The following MYO3B variants were observed in gnomAD, a reference collection of about 807,000 sequenced individuals.
MYO3B encodes the protein myosin IIIB, also known as myosin-IIIb.
A neutral mutation model predicts 174.6 loss-of-function variants in MYO3B; 156 were observed. The observed-to-expected ratio is 0.89, with a 90% CI of 0.78 to 1.02. The LOEUF is 1.02. Ranked by LOEUF, MYO3B falls within the 50% of genes least tolerant of loss-of-function variation. The pLI is 0.00. For synonymous variants in MYO3B, 563 were observed against 569.1 expected, an observed-to-expected ratio of 0.99 and a Z score of 0.15; for missense variants, 1,632 against 1,639.4, an observed-to-expected ratio of 1.00 and a Z score of 0.08.
intron 7 of MYO3B, among the ~76,000 whole-genome samples, chr2:170,241,555 G>A (rs1274896187): frequency 6.6e-6 from 1 of 152,180 alleles, no homozygotes; most frequent in Non-Finnish European, 1.5e-5. Context: ...CTGTCAAGGA[G>A]CACATCAGTT....
At chr2:170,403,761 T>A (rs1274115531) in intron 19 of MYO3B, among the ~76,000 whole-genome samples, 3 of 152,230 alleles carry the variant, frequency 2.0e-5, no homozygotes, top group Non-Finnish European at 4.4e-5. Context: ...CTTTTATCTC[T>A]GGAGCTGGAT....
chr2:170,616,897 C>T (rs1695503253), intron 32 of MYO3B, among the ~76,000 whole-genome samples: 1 of 152,136 alleles, frequency 6.6e-6, no homozygotes, highest in African/African-American at 2.4e-5. Flanking sequence ...TTTACTGATT[C>T]CCAATTGTGA....
intron 6 of MYO3B, among the ~76,000 whole-genome samples, chr2:170,235,647 T>C (rs561192775): frequency 6.6e-6 from 1 of 152,328 alleles, no homozygotes; most frequent in Non-Finnish European, 1.5e-5. Flanking sequence ...CAGTAGCTGG[T>C]AATGAGGTGA....
chr2:170,189,119 T>C (rs188514056), intron 1 of MYO3B, among the ~76,000 whole-genome samples: 1 of 152,320 alleles, frequency 6.6e-6, no homozygotes, highest in African/African-American at 2.4e-5. Flanking sequence ...TGGATGGATA[T>C]ACTACTCTAG....
intron 1 of MYO3B, among the ~76,000 whole-genome samples, chr2:170,198,069 G>A (rs2092619717): frequency 1.3e-5 from 2 of 151,184 alleles, no homozygotes; most frequent in South Asian, 4.2e-4. Context: ...AAAAGATATG[G>A]GTGAATGATC....
intron 1 of MYO3B, among the ~76,000 whole-genome samples, chr2:170,186,445 A>G (rs938734338): frequency 1.3e-5 from 2 of 152,184 alleles, no homozygotes; most frequent in Non-Finnish European, 2.9e-5. Context: ...CATATGTTGA[A>G]CCATACTTGC....
intron 7 of MYO3B, among the ~76,000 whole-genome samples, chr2:170,268,163 A>G (rs867238668): frequency 1.2e-4 from 19 of 152,176 alleles, no homozygotes; most frequent in Admixed American, 3.3e-4. Context: ...TAAAAGAAAG[A>G]AACTAAAGGA....
intron 10 of MYO3B, chr2:170,382,377 A>T (rs1251154860): frequency 7.2e-6 from 2 of 276,578 alleles, no homozygotes; most frequent in Admixed American, 4.7e-5. Context: ...ATGATGGATT[A>T]TATCAGCTGA....
intron 7 of MYO3B, among the ~76,000 whole-genome samples, chr2:170,246,221 C>A (rs970987044): frequency 6.6e-6 from 1 of 152,098 alleles, no homozygotes; most frequent in Non-Finnish European, 1.5e-5. Flanking sequence ...CCTACCTTCC[C>A]AATTCCCACC....
intron 6 of MYO3B, among the ~76,000 whole-genome samples, chr2:170,226,735 C>T (rs1354263261): frequency 6.6e-6 from 1 of 152,056 alleles, no homozygotes; most frequent in Non-Finnish European, 1.5e-5. Context: ...GCATGTGAGG[C>T]CCAGAGCAGA....
At chr2:170,223,587 G>A (rs140684987) in intron 6 of MYO3B, among the ~76,000 whole-genome samples, 33 of 152,166 alleles carry the variant, frequency 2.2e-4, no homozygotes, top group East Asian at 3.8e-4. Flanking sequence ...AATGTAACCC[G>A]TGTCCGCTGT....
intron 7 of MYO3B, among the ~76,000 whole-genome samples, chr2:170,278,774 C>G (rs1053276119): frequency 1.1e-4 from 17 of 152,102 alleles, no homozygotes; most frequent in African/African-American, 4.1e-4. Context: ...ACCCCCGCCA[C>G]ATATACCCAC....
chr2:170,213,729 TTTAA>T (rs1207558147), intron 3 of MYO3B, among the ~76,000 whole-genome samples: 1 of 152,228 alleles, frequency 6.6e-6, no homozygotes, highest in Non-Finnish European at 1.5e-5. Flanking sequence ...AATTAGTGTT[TTTAA>T]TTACAGACAA....
At chr2:170,650,981 G>C (rs1698969472) in intron 32 of MYO3B, among the ~76,000 whole-genome samples, 1 of 145,200 alleles carries the variant, frequency 6.9e-6, no homozygotes, top group African/African-American at 2.6e-5. Context: ...TCTGACTCGT[G>C]GTTTCTTAAT....
intron 22 of MYO3B, among the ~76,000 whole-genome samples, chr2:170,422,977 CTTTTTTTTTTTTTT>C (rs34882424): frequency 1.1e-5 from 1 of 88,506 alleles, no homozygotes; most frequent in Non-Finnish European, 2.0e-5. Context: ...TTCTTTCTTT[CTTTTTTTTTTTTTT>C]TTTTTTTGAG....
chr2:170,224,497 C>T (rs1005894480), intron 6 of MYO3B, among the ~76,000 whole-genome samples: 3 of 152,078 alleles, frequency 2.0e-5, no homozygotes, highest in South Asian at 2.1e-4. Flanking sequence ...AACAAAGACA[C>T]GCAGAGATAT....
intron 12 of MYO3B, 102 bp downstream of exon 12, chr2:170,383,916 C>A: frequency 1.1e-6 from 1 of 923,386 alleles, no homozygotes; most frequent in Non-Finnish European, 1.7e-6. Context: ...ATTCCGGTTG[C>A]TGGTGCTGAC....
intron 32 of MYO3B, among the ~76,000 whole-genome samples, chr2:170,636,132 T>G (rs565537892): frequency 9.2e-5 from 14 of 152,218 alleles, no homozygotes; most frequent in Non-Finnish European, 1.9e-4. Context: ...TCCAGTTACC[T>G]TATTATGAAG....
chr2:170,495,152 T>C (rs912375832), intron 25 of MYO3B, among the ~76,000 whole-genome samples: 1 of 152,224 alleles, frequency 6.6e-6, no homozygotes, highest in Non-Finnish European at 1.5e-5. Context: ...CTGTTGCATA[T>C]CTTTTGCTTA....
Sources: allele counts gnomAD v4.1 joint callset (sites outside exome capture counted in the v4.1 genomes callset), GRCh38; gene constraint gnomAD v4.1.1; transcripts MANE v1.5; gene names NCBI Gene and HGNC (gene_info 2026-07-23, HGNC 2026-07-21).